LARGE1: variants seen among roughly 807,000 people sequenced by gnomAD.
LARGE1 encodes the protein LARGE xylosyl- and glucuronyltransferase 1.
Under a neutral mutation model 87.6 loss-of-function variants are expected in LARGE1, and 43 were observed. That is an observed-to-expected ratio of 0.49 (90% confidence interval 0.38 to 0.63). LARGE1 has a LOEUF of 0.63. LARGE1 is among the 30% of genes least tolerant of loss of function. LARGE1 has a pLI of 0.00. For missense variants in LARGE1, 802 were observed against 1,000.2 expected (o/e 0.80, Z 2.67); for synonymous variants, 434 against 394.6 (o/e 1.10, Z -1.18).
intron 1 of LARGE1, among the ~76,000 whole-genome samples, chr22:33,781,487 C>T (rs751319961): frequency 1.3e-5 from 2 of 151,980 alleles, no homozygotes; most frequent in East Asian, 1.9e-4. Context: ...GGCAACAGAA[C>T]GAGACTCTGC....
At chr22:33,627,983 C>CCAT (rs1161678739) in intron 3 of LARGE1, among the ~76,000 whole-genome samples, 1 of 152,094 alleles carries the variant, frequency 6.6e-6, no homozygotes, top group African/African-American at 2.4e-5. Context: ...CTCATCTGAA[C>CCAT]CATCACCCCA....
chr22:33,252,257 C>T lies in LARGE1; in HGVS notation c.1730+51972G>A, dbSNP rs560397522. Among the ~76,000 whole-genome samples the T allele has an allele frequency of 1.2e-4, 17 of 138,804 alleles. 1 individual carries two copies. Among genetic ancestry groups the T allele is most frequent in the South Asian group, 5.2e-4 (2 of 3,880 alleles). 91.1% of individuals were successfully genotyped at this position (138,804 alleles called of 152,430 possible). On this transcript the variant is annotated intron_variant, in intron 11 of 11. Coordinates refer to the LARGE1 transcript ENST00000608642. ...TTAATGATAATTCCTTCATTCCCCC[C>T]CCCCCCGCCATTTTAAACTCATTAA... is the stretch of plus-strand genomic sequence containing the variant.
At chr22:33,375,799 G>A (rs1241229941) in intron 9 of LARGE1, among the ~76,000 whole-genome samples, 1 of 152,022 alleles carries the variant, frequency 6.6e-6, no homozygotes, top group Admixed American at 6.6e-5. Context: ...TCAGGCTGGA[G>A]TGCAGTGGCA....
At chr22:33,633,784 G>A (rs2080180281) in intron 3 of LARGE1, among the ~76,000 whole-genome samples, 1 of 152,224 alleles carries the variant, frequency 6.6e-6, no homozygotes, top group Non-Finnish European at 1.5e-5. Flanking sequence ...TGGTGGGGTT[G>A]AGGGGGACAG....
the LARGE1 span, among the ~76,000 whole-genome samples, chr22:33,096,172 T>A: frequency 6.6e-6 from 1 of 152,086 alleles, no homozygotes; most frequent in Non-Finnish European, 1.5e-5. Flanking sequence ...TCCCAGCACT[T>A]TGGGAGGCCG....
At chr22:33,294,566 G>C (rs1325041120) in intron 12 of LARGE1, among the ~76,000 whole-genome samples, 1 of 152,094 alleles carries the variant, frequency 6.6e-6, no homozygotes, top group Non-Finnish European at 1.5e-5. Flanking sequence ...TAGAAAAACC[G>C]GCCTCCCCGT....
Position 33,349,186 on chromosome 22 carries a change from A to C in LARGE1, c.1132-11385T>G, listed in dbSNP as rs2146728178. Among the ~76,000 whole-genome samples the C allele has an allele frequency of 2.0e-5, 3 of 152,220 alleles. No individual in the cohort carries two copies. The South Asian group carries it at 6.2e-4, about 32-fold the overall frequency. On this transcript the variant is annotated intron_variant, in intron 9 of 14. Transcript: ENST00000397394. Reference sequence around the variant, plus strand: ...GCTTCCTTGGTTCTCAGGCCTTCAGACTCAGATTGAATTATAACACTGGCT... The same window carrying C: ...GCTTCCTTGGTTCTCAGGCCTTCAGCCTCAGATTGAATTATAACACTGGCT...
At chr22:33,401,615 C>T (rs576266509) in intron 7 of LARGE1, among the ~76,000 whole-genome samples, 3 of 152,286 alleles carry the variant, frequency 2.0e-5, no homozygotes, top group Admixed American at 2.0e-4. Flanking sequence ...CTCTGCAGTG[C>T]TGTCTCAGGC....
chr22:33,657,434 T>A (rs1434850789), intron 2 of LARGE1, among the ~76,000 whole-genome samples: 3 of 152,180 alleles, frequency 2.0e-5, no homozygotes, highest in Non-Finnish European at 4.4e-5. Context: ...TCAAACTTTT[T>A]CTGTAAACAT....
intron 11 of LARGE1, among the ~76,000 whole-genome samples, chr22:33,172,632 A>G (rs1922638156): frequency 6.6e-6 from 1 of 152,136 alleles, no homozygotes; most frequent in South Asian, 2.1e-4. Context: ...TTACTCTAGT[A>G]TATTTCACCT....
intron 6 of LARGE1, among the ~76,000 whole-genome samples, chr22:33,480,144 C>T (rs1462351877): frequency 6.6e-6 from 1 of 152,180 alleles, no homozygotes; most frequent in Non-Finnish European, 1.5e-5. Flanking sequence ...GGTGCCTAAA[C>T]TGAACACAGA....
At position 33,679,929 on chromosome 22, in the gene LARGE1, T is replaced by C. The variant is rs973756389; in HGVS notation, c.107-29261A>G. On this transcript the variant is annotated intron_variant, in intron 2 of 14. Coordinates refer to ENST00000397394, the MANE Select transcript of LARGE1 (RefSeq NM_133642.5). Reference sequence around the variant, plus strand: ...TTCCCTGGCATCTCCAGAAGGAGTATGGTTTAGCCAATACCTTGATTTTGG... The same window carrying C: ...TTCCCTGGCATCTCCAGAAGGAGTACGGTTTAGCCAATACCTTGATTTTGG... 2.6e-5 allele frequency among the ~76,000 whole-genome samples: 4 copies of C among 152,336 alleles called. No homozygotes were observed. The South Asian group carries it at 6.2e-4, about 24-fold the overall frequency.
intron 11 of LARGE1, among the ~76,000 whole-genome samples, chr22:33,244,291 G>A (rs1031521210): frequency 6.6e-6 from 1 of 151,996 alleles, no homozygotes; most frequent in African/African-American, 2.4e-5. Context: ...CACCGCGCCC[G>A]GCCTATAGTT....
chr22:33,391,765 C>T (rs77983659), intron 7 of LARGE1, among the ~76,000 whole-genome samples: 810 of 63,778 alleles, frequency 0.013, 27 homozygotes, highest in African/African-American at 0.024. Context: ...TTCCTTTTTC[C>T]TTTTTTTTTT....
At chr22:33,148,405 AT>A in the LARGE1 span, among the ~76,000 whole-genome samples, 1 of 151,994 alleles carries the variant, frequency 6.6e-6, no homozygotes, top group Non-Finnish European at 1.5e-5. Context: ...GTTCATCAAT[AT>A]TTTTTCTTTT....
intron 4 of LARGE1, among the ~76,000 whole-genome samples, chr22:33,608,079 G>A (rs1215484173): frequency 1.3e-5 from 2 of 152,198 alleles, no homozygotes; most frequent in Non-Finnish European, 2.9e-5. Context: ...TCACCAGGGA[G>A]ACAGACGGTC....
chr22:33,359,231 G>A (rs577873211), intron 9 of LARGE1, among the ~76,000 whole-genome samples: 2 of 152,118 alleles, frequency 1.3e-5, no homozygotes, highest in African/African-American at 2.4e-5. Flanking sequence ...TGTATCAGAG[G>A]AAAATGCTGC....
intron 6 of LARGE1, among the ~76,000 whole-genome samples, chr22:33,539,906 T>C (rs573199789): frequency 6.6e-6 from 1 of 152,186 alleles, no homozygotes; most frequent in South Asian, 2.1e-4. Context: ...TGTGTAGTAA[T>C]AAGACAAAAT....
chr22:33,544,947 T>C (rs1310582514), intron 6 of LARGE1, among the ~76,000 whole-genome samples: 1 of 152,100 alleles, frequency 6.6e-6, no homozygotes, highest in Non-Finnish European at 1.5e-5. Flanking sequence ...AGAGATATGG[T>C]GTTCAACAGA....
Sources: gnomAD v4.1 joint callset for allele counts (sites outside exome capture counted in the v4.1 genomes callset) on GRCh38, gnomAD v4.1.1 for gene constraint, MANE v1.5 for transcripts, NCBI Gene and HGNC (gene_info 2026-07-23, HGNC 2026-07-21) for gene names.